CADPS2: variants seen among roughly 807,000 people sequenced by gnomAD.
CADPS2 encodes calcium-dependent secretion activator 2.
Under a neutral mutation model 172.5 loss-of-function variants are expected in CADPS2, and 93 were observed. The observed-to-expected ratio is 0.54, with a 90% CI of 0.46 to 0.64. The LOEUF (loss-of-function observed/expected upper bound fraction) is 0.64, where lower values mean the gene tolerates loss of function less well. Among genes scored for constraint, CADPS2 ranks in the 30% least tolerant of loss-of-function variants. The pLI, the probability that CADPS2 is intolerant of heterozygous loss-of-function variation, is 0.00. For missense variants in CADPS2, 1,420 were observed against 1,565.9 expected (o/e 0.91, Z 1.57); for synonymous variants, 546 against 555.2 (o/e 0.98, Z 0.23).
chr7:122,637,401 C>T (rs2077187522), intron 3 of CADPS2, among the ~76,000 whole-genome samples: 1 of 151,924 alleles, frequency 6.6e-6, no homozygotes, highest in Non-Finnish European at 1.5e-5. Context: ...AACTCATGGG[C>T]TTAAGTGATC....
intron 1 of CADPS2, among the ~76,000 whole-genome samples, chr7:122,862,771 A>G (rs1445548580): frequency 6.6e-6 from 1 of 152,200 alleles, no homozygotes; most frequent in Non-Finnish European, 1.5e-5. Flanking sequence ...TCCAGAAATG[A>G]AATGTATTGC....
intron 8 of CADPS2, among the ~76,000 whole-genome samples, chr7:122,541,659 A>G (rs1179075406): frequency 6.9e-6 from 1 of 144,978 alleles, no homozygotes; most frequent in Non-Finnish European, 1.5e-5. Context: ...TCATATCTTT[A>G]TATATTCATA....
intron 27 of CADPS2, among the ~76,000 whole-genome samples, chr7:122,352,090 C>G (rs930517542): frequency 6.6e-6 from 1 of 152,160 alleles, no homozygotes; most frequent in Non-Finnish European, 1.5e-5. Flanking sequence ...GATCAAGTAT[C>G]TTGCTATTTC....
intron 2 of CADPS2, among the ~76,000 whole-genome samples, chr7:122,731,008 T>C (rs2091586840): frequency 6.7e-6 from 1 of 148,954 alleles, no homozygotes; most frequent in Non-Finnish European, 1.5e-5. Context: ...TTTAATTCAT[T>C]GAAGGAATGA....
intron 24 of CADPS2, among the ~76,000 whole-genome samples, chr7:122,380,387 A>G: frequency 6.6e-6 from 1 of 152,164 alleles, no homozygotes; most frequent in East Asian, 1.9e-4. Flanking sequence ...ATAGAGTAAA[A>G]GTACTCAGGT....
intron 14 of CADPS2, among the ~76,000 whole-genome samples, chr7:122,464,159 A>G (rs1046310976): frequency 7.9e-5 from 12 of 152,190 alleles, no homozygotes; most frequent in African/African-American, 2.7e-4. Context: ...GGGAAAATAA[A>G]AGATGAGCTT....
At chr7:122,683,471 G>A (rs918922645) in intron 2 of CADPS2, among the ~76,000 whole-genome samples, 18 of 152,164 alleles carry the variant, frequency 1.2e-4, no homozygotes, top group African/African-American at 4.1e-4. Flanking sequence ...CAGTGGTTCT[G>A]TATCAATATC....
At chr7:122,749,257 A>G (rs1262325565) in intron 1 of CADPS2, among the ~76,000 whole-genome samples, 3 of 152,150 alleles carry the variant, frequency 2.0e-5, no homozygotes, top group East Asian at 3.9e-4. Flanking sequence ...ACGACTGACC[A>G]ATCAAGATTC....
At chr7:122,718,201 G>A (rs568949309) in intron 2 of CADPS2, among the ~76,000 whole-genome samples, 1 of 152,002 alleles carries the variant, frequency 6.6e-6, no homozygotes, top group South Asian at 2.1e-4. Context: ...TGTAGTTTAT[G>A]TGATTGCCAT....
chr7:122,494,806 T>A (rs2058601530), intron 9 of CADPS2, among the ~76,000 whole-genome samples: 1 of 152,078 alleles, frequency 6.6e-6, no homozygotes, highest in South Asian at 2.1e-4. Context: ...TTCCTCATCT[T>A]ACAGACAGTC....
At chr7:122,691,661 G>A (rs1420799836) in intron 2 of CADPS2, among the ~76,000 whole-genome samples, 1 of 152,210 alleles carries the variant, frequency 6.6e-6, no homozygotes, top group African/African-American at 2.4e-5. Flanking sequence ...AAAGTCCATT[G>A]TCACCCTCCC....
At chr7:122,501,480 T>C (rs1174876929) in intron 9 of CADPS2, among the ~76,000 whole-genome samples, 1 of 152,070 alleles carries the variant, frequency 6.6e-6, no homozygotes, top group African/African-American at 2.4e-5. Context: ...AGACAAGGTC[T>C]GGGCCTTTGA....
intron 3 of CADPS2, among the ~76,000 whole-genome samples, chr7:122,645,400 TG>T (rs2078292800): frequency 2.0e-5 from 1 of 50,762 alleles, no homozygotes; most frequent in Admixed American, 2.0e-4. Flanking sequence ...TGTGTATATA[TG>T]TACATATACA....
At chr7:122,429,910 A>G (rs2151883828) in intron 17 of CADPS2, among the ~76,000 whole-genome samples, 1 of 152,218 alleles carries the variant, frequency 6.6e-6, no homozygotes, top group Non-Finnish European at 1.5e-5. Flanking sequence ...CGTGGCCTCT[A>G]GACACAAACA....
chr7:122,847,869 T>C (rs986608195), intron 1 of CADPS2, among the ~76,000 whole-genome samples: 13 of 152,342 alleles, frequency 8.5e-5, no homozygotes, highest in African/African-American at 2.9e-4. Flanking sequence ...GTTGATAGCA[T>C]GTATTAAAGT....
At chr7:122,326,426 C>T (rs1813406185) in intron 28 of CADPS2, among the ~76,000 whole-genome samples, 1 of 151,980 alleles carries the variant, frequency 6.6e-6, no homozygotes, top group Non-Finnish European at 1.5e-5. Context: ...CAAAAAAAGA[C>T]AATCTGCCAT....
Position 122,387,020 on chromosome 7 carries a change from A to G in CADPS2, c.3312+6T>C. 6.4e-7 allele frequency: 1 copy of G among 1,554,264 alleles called. No individual in the cohort carries two copies. On this transcript the variant is annotated splice_donor_region_variant and intron_variant, in intron 24 of 29. Coordinates refer to ENST00000449022, the MANE Select transcript of CADPS2 (RefSeq NM_017954.11). ...TGCCTTTCCCCATGTGGCACATTCT[A>G]CATACCTCTTGTCCTCCATCCAGGG...
chr7:122,337,264 C>T (rs2035991731), intron 28 of CADPS2, among the ~76,000 whole-genome samples: 3 of 152,176 alleles, frequency 2.0e-5, no homozygotes. Context: ...AGATGAGGTG[C>T]CTGTTTAAGC....
chr7:122,391,033 T>C (rs148911083), intron 22 of CADPS2, among the ~76,000 whole-genome samples: 4 of 152,172 alleles, frequency 2.6e-5, no homozygotes, highest in Non-Finnish European at 5.9e-5. Context: ...TTCAAAACCA[T>C]GGTTGCTTTT....
Sources: allele counts gnomAD v4.1 joint callset (sites outside exome capture counted in the v4.1 genomes callset), GRCh38; gene constraint gnomAD v4.1.1; transcripts MANE v1.5; gene names NCBI Gene and HGNC (gene_info 2026-07-23, HGNC 2026-07-21).